Variants in LIN54 observed in about 807,000 individuals in gnomAD.
LIN54 encodes protein lin-54 homolog.
Under a neutral mutation model 78.7 loss-of-function variants are expected in LIN54, and 9 were observed. The ratio of observed to expected loss-of-function variants is 0.11; its 90% CI spans 0.07 to 0.20. LIN54 has a LOEUF of 0.20. LIN54 is among the 10% of genes least tolerant of loss of function. The pLI, the probability that LIN54 is intolerant of heterozygous loss-of-function variation, is 1.00. For missense variants in LIN54, 573 were observed against 889.9 expected (o/e 0.64, Z 4.53); for synonymous variants, 269 against 318.4 (o/e 0.84, Z 1.65).
intron 4 of LIN54, among the ~76,000 whole-genome samples, chr4:82,958,331 T>A (rs1411919653): frequency 6.6e-6 from 1 of 152,208 alleles, no homozygotes; most frequent in Admixed American, 6.5e-5. Flanking sequence ...AGATTATATT[T>A]CTTAGTCTCC....
intron 1 of LIN54, among the ~76,000 whole-genome samples, chr4:82,998,540 A>AG (rs1486268936): frequency 8.0e-5 from 6 of 74,944 alleles, no homozygotes; most frequent in African/African-American, 2.8e-4. Flanking sequence ...CGTCAGAGAA[A>AG]GAAAAGAAAG....
chr4:82,965,662 G>C (rs1428946469), intron 4 of LIN54, among the ~76,000 whole-genome samples: 1 of 152,192 alleles, frequency 6.6e-6, no homozygotes, highest in Admixed American at 6.5e-5. Flanking sequence ...ACAGTGGAAG[G>C]ACTTCAAGAG....
At chr4:82,992,915 C>T (rs1560784219) in intron 1 of LIN54, among the ~76,000 whole-genome samples, 1 of 151,350 alleles carries the variant, frequency 6.6e-6, no homozygotes, top group East Asian at 2.0e-4. Context: ...GTAGTCCCAG[C>T]TACTCGGGAG....
intron 1 of LIN54, among the ~76,000 whole-genome samples, chr4:82,987,419 CA>C (rs1208007100): frequency 6.6e-6 from 1 of 152,026 alleles, no homozygotes; most frequent in African/African-American, 2.4e-5. Context: ...AAACAAAAAA[CA>C]AAAAACAAAC....
chr4:82,948,625 C>G (rs1723600372), intron 4 of LIN54, among the ~76,000 whole-genome samples: 1 of 152,062 alleles, frequency 6.6e-6, no homozygotes, highest in African/African-American at 2.4e-5. Flanking sequence ...ACTTATAGTC[C>G]TCACACTGTA....
At chr4:82,999,064 G>A (rs374427894) in intron 1 of LIN54, among the ~76,000 whole-genome samples, 66 of 152,252 alleles carry the variant, frequency 4.3e-4, no homozygotes, top group African/African-American at 1.1e-3. Context: ...CTACTGCTGT[G>A]AGCTCAAGTG....
At chr4:82,979,963 A>AAAAAAAAAAAAAAAAAAC (rs1726495818) in intron 2 of LIN54, among the ~76,000 whole-genome samples, 2 of 138,746 alleles carry the variant, frequency 1.4e-5, no homozygotes, top group Non-Finnish European at 3.2e-5. Flanking sequence ...AAAAAAAAAA[A>AAAAAAAAAAAAAAAAAAC]AAATACTGGG....
In LIN54 at chr4:82,993,029, GA is replaced by G. The variant is rs35355547; in HGVS notation, c.-32-8154del. Reference sequence around the variant, plus strand: ...GGTGACAAAGCGAGACTCTGTCTCAGAAAAAAAAAAAAAAAAAGAAATGAGG... The same window carrying G: ...GGTGACAAAGCGAGACTCTGTCTCAGAAAAAAAAAAAAAAAAGAAATGAGG... On this transcript the variant is annotated intron_variant, in intron 1 of 12. Coordinates refer to ENST00000340417, the MANE Select transcript of LIN54 (RefSeq NM_194282.4). Among the ~76,000 whole-genome samples, 419 of 101,090 alleles carry G rather than the reference GA, an allele frequency of 4.1e-3. 1 individual carries two copies. Among genetic ancestry groups the G allele is most frequent in the African/African-American group, 0.012 (312 of 27,130 alleles). The allele number at this position is 101,090 out of a possible 152,430, so 66.3% of individuals were successfully genotyped here. A position where few individuals can be genotyped will look rare whatever the true frequency, so the allele number is the denominator to read the frequency against.
chr4:82,928,329 A>G lies in LIN54; in HGVS notation c.2049-26T>C, dbSNP rs186370310. The G allele has an allele frequency of 1.4e-3, 2,152 of 1,566,484 alleles. 1 individual carries two copies. Among genetic ancestry groups the G allele is most frequent in the Non-Finnish European group, 1.7e-3 (1,989 of 1,137,092 alleles). ...CTGAAATGATTTTTGAAAGAGAAAG[A>G]TGATGGTGGTGTTAAATAACAACAA... On this transcript the variant is annotated intron_variant, in intron 12 of 12. Coordinates refer to ENST00000340417, the MANE Select transcript of LIN54 (RefSeq NM_194282.4).
Position 82,947,235 on chromosome 4 carries a change from A to ATATATTTTTTTTTTT in LIN54, c.952-762_952-761insAAAAAAAAAAATATA. ...TATATATATATATATATATATATAT[A>ATATATTTTTTTTTTT]TTTTTTTTTTTTTTGAAGACAGGGT... On this transcript the variant is annotated intron_variant, in intron 4 of 12. Coordinates refer to ENST00000340417, the MANE Select transcript of LIN54 (RefSeq NM_194282.4). 1.4e-3 allele frequency among the ~76,000 whole-genome samples: 61 copies of ATATATTTTTTTTTTT among 44,282 alleles called. 3 individuals carry two copies. The highest frequency in any genetic ancestry group is 2.0e-3 in the East Asian group (2 of 988). 29.1% of individuals were successfully genotyped at this position (44,282 alleles called of 152,430 possible).
chr4:82,930,313 CTA>C (rs546640003), intron 12 of LIN54, among the ~76,000 whole-genome samples: 1 of 152,224 alleles, frequency 6.6e-6, no homozygotes, highest in South Asian at 2.1e-4. Flanking sequence ...AAATCACAAA[CTA>C]TGTTTTATCA....
chr4:82,928,664 T>C (rs1217283954), intron 12 of LIN54, among the ~76,000 whole-genome samples: 4 of 152,240 alleles, frequency 2.6e-5, no homozygotes, highest in Admixed American at 6.5e-5. Flanking sequence ...TCTTATTTAC[T>C]GCTGTTGCTC....
At chr4:82,938,354 A>ATG (rs1722560200) in intron 8 of LIN54, 59 bp downstream of exon 8, 2 of 929,680 alleles carry the variant, frequency 2.2e-6, no homozygotes, top group South Asian at 2.7e-5. Context: ...GAATATATAT[A>ATG]TTTACTGTTG....
intron 12 of LIN54, 21 bp from the exon 13 acceptor site, chr4:82,928,324 G>A: frequency 1.3e-6 from 2 of 1,578,336 alleles, no homozygotes; most frequent in South Asian, 1.1e-5. Context: ...TTTTGAAAGA[G>A]AAAGATGATG....
intron 4 of LIN54, among the ~76,000 whole-genome samples, chr4:82,959,368 A>T (rs1724607672): frequency 6.6e-6 from 1 of 152,084 alleles, no homozygotes; most frequent in African/African-American, 2.4e-5. Context: ...GGTGGTGCAT[A>T]CCTGTTGCCC....
upstream of LIN54, chr4:83,012,777 G>C (rs1366182266): frequency 6.6e-6 from 1 of 151,268 alleles, no homozygotes; most frequent in Non-Finnish European, 1.5e-5. Context: ...CCCCATCCCG[G>C]GGGCTGACAC....
intron 12 of LIN54, among the ~76,000 whole-genome samples, chr4:82,928,638 G>A (rs978909957): frequency 6.6e-5 from 10 of 152,152 alleles, no homozygotes; most frequent in Non-Finnish European, 1.5e-4. Flanking sequence ...ATGAATGTAC[G>A]CTCTGTAAGT....
chr4:82,928,575 G>T (rs1294573651), intron 12 of LIN54, among the ~76,000 whole-genome samples: 1 of 152,136 alleles, frequency 6.6e-6, no homozygotes, highest in African/African-American at 2.4e-5. Flanking sequence ...TTAACTAAAA[G>T]ATAATAGTCT....
chr4:82,988,208 A>T (rs1727339329), intron 1 of LIN54, among the ~76,000 whole-genome samples: 1 of 152,124 alleles, frequency 6.6e-6, no homozygotes, highest in Non-Finnish European at 1.5e-5. Context: ...CTATCACTAA[A>T]GATTATTTGT....
Sources: gnomAD v4.1 joint callset for allele counts (sites outside exome capture counted in the v4.1 genomes callset) on GRCh38, gnomAD v4.1.1 for gene constraint, MANE v1.5 for transcripts, NCBI Gene and HGNC (gene_info 2026-07-23, HGNC 2026-07-21) for gene names.